ZNF730: variants seen among roughly 807,000 people sequenced by gnomAD.
The protein encoded by ZNF730 is zinc finger protein 730.
Under a neutral mutation model 12.6 loss-of-function variants are expected in ZNF730, and 12 were observed. That is an observed-to-expected ratio of 0.95 (90% CI 0.61 to 1.54). ZNF730 has a LOEUF of 1.54. Among genes scored for constraint, ZNF730 ranks in the 40% most tolerant of loss-of-function variants. ZNF730 has a pLI of 0.00. For synonymous variants in ZNF730, 194 were observed against 195.8 expected (o/e 0.99, Z 0.08); for missense variants, 643 against 583.5 (o/e 1.10, Z -1.05).
intron 1 of ZNF730, among the ~76,000 whole-genome samples, chr19:23,105,259 G>T (rs2145553154): frequency 6.6e-6 from 1 of 151,934 alleles, no homozygotes; most frequent in Admixed American, 6.6e-5. Context: ...TGGGATTACA[G>T]GTGCCCGCCA....
At chr19:23,083,061 T>C (rs185123613) in intron 1 of ZNF730, among the ~76,000 whole-genome samples, 19 of 152,336 alleles carry the variant, frequency 1.2e-4, no homozygotes, top group Non-Finnish European at 2.4e-4. Flanking sequence ...TTAGCTTTTA[T>C]AAATAGTGCT....
intron 1 of ZNF730, among the ~76,000 whole-genome samples, chr19:23,119,133 G>T (rs1036733638): frequency 6.6e-6 from 1 of 152,190 alleles, no homozygotes; most frequent in African/African-American, 2.4e-5. Context: ...TTTCAAGAAG[G>T]AATGTTTCCA....
At chr19:23,114,300 C>CT (rs11413226), upstream of ZNF730, among the ~76,000 whole-genome samples, 75,101 of 119,852 alleles carry the variant, frequency 0.63, 24,829 homozygotes, top group East Asian at 0.79. Context: ...TTTTCTTTTT[C>CT]TTTTCTTTTT....
upstream of ZNF730, among the ~76,000 whole-genome samples, chr19:23,113,220 T>C (rs1023659815): frequency 4.6e-5 from 7 of 152,312 alleles, no homozygotes; most frequent in African/African-American, 1.7e-4. Context: ...AGACTATAGC[T>C]AATTATTTGA....
At chr19:23,134,002 C>T in intron 1 of ZNF730, 78 bp from the exon 2 acceptor site, 2 of 1,570,674 alleles carry the variant, frequency 1.3e-6, no homozygotes, top group Non-Finnish European at 1.7e-6. Flanking sequence ...TATATTTACT[C>T]TTATTTCACC....
At chr19:23,120,677 T>A (rs1036771730) in intron 1 of ZNF730, among the ~76,000 whole-genome samples, 10 of 152,156 alleles carry the variant, frequency 6.6e-5, no homozygotes, top group African/African-American at 2.4e-4. Flanking sequence ...AGATTTCTTA[T>A]TTGTATGACT....
At position 23,145,918 on chromosome 19, in the gene ZNF730, G is replaced by C; in HGVS notation, c.874G>C (p.Ala292Pro). The C allele has an allele frequency of 1.2e-6, 2 of 1,610,830 alleles. No homozygotes were observed. The highest frequency in any genetic ancestry group is 1.7e-6 in the Non-Finnish European group (2 of 1,179,422). ...CTATAAATGTGAAGAATGTGGCAAA[G>C]CCTTTAACCAGTCCTCAAACCTTAC... ...KPYKCEECGK[A>P]FNQSSNLTEH... The change falls in exon 4 of 4, where the codon GCC (alanine) becomes CCC (proline). Residue 292 changes from alanine to proline, a missense_variant. Physicochemically the swap from Ala to Pro is conservative, Grantham distance 27 (BLOSUM62 -1). Coordinates refer to ENST00000597761, the MANE Select transcript of ZNF730 (RefSeq NM_001277403.2).
intron 1 of ZNF730, among the ~76,000 whole-genome samples, chr19:23,077,800 A>G (rs578097238): frequency 9.2e-5 from 14 of 152,042 alleles, no homozygotes; most frequent in Admixed American, 2.6e-4. Flanking sequence ...AAGTAGGCAT[A>G]AGAGACTCCA....
At chr19:23,077,409 A>G (rs1444715123) in intron 1 of ZNF730, among the ~76,000 whole-genome samples, 17 of 125,656 alleles carry the variant, frequency 1.4e-4, no homozygotes, top group Admixed American at 8.1e-5. Context: ...AGCTTTTCCC[A>G]TAATTCCCTA....
chr19:23,140,626 ATGT>A (rs1970903191), intron 3 of ZNF730, among the ~76,000 whole-genome samples: 1 of 142,128 alleles, frequency 7.0e-6, no homozygotes, highest in African/African-American at 2.5e-5. Flanking sequence ...AAAAAAAAAG[ATGT>A]AAAAACATAT....
At chr19:23,133,422 A>G (rs1003213229) in intron 1 of ZNF730, among the ~76,000 whole-genome samples, 42 of 152,064 alleles carry the variant, frequency 2.8e-4, no homozygotes, top group African/African-American at 9.9e-4. Context: ...GCTCACTGCA[A>G]CCTCTGTTTC....
chr19:23,100,409 C>T lies in ZNF730; in HGVS notation c.-94+25022C>T, dbSNP rs964646858. 3.3e-5 allele frequency: 5 copies of T among 152,310 alleles called. No homozygotes were observed. In the East Asian group the frequency reaches 9.7e-4, roughly 29 times the overall value. The allele number at this position is 152,310 out of a possible 1,614,324, so 9.4% of individuals were successfully genotyped here. Reference sequence around the variant, plus strand: ...CGTCTTTCTGTTCAAATCTCACTCTCTGACATATATAAAGCCCTAGTGTGT... The same window carrying T: ...CGTCTTTCTGTTCAAATCTCACTCTTTGACATATATAAAGCCCTAGTGTGT... On this transcript the variant is annotated intron_variant, in intron 1 of 2. Coordinates refer to the ZNF730 transcript ENST00000593635.
intron 1 of ZNF730, among the ~76,000 whole-genome samples, chr19:23,129,290 C>T (rs137888179): frequency 3.9e-5 from 6 of 152,308 alleles, no homozygotes; most frequent in Admixed American, 6.5e-5. Context: ...ACAGCTTGCA[C>T]CATGTGCCCG....
intron 1 of ZNF730, among the ~76,000 whole-genome samples, chr19:23,133,488 A>G (rs1466533519): frequency 6.6e-6 from 1 of 152,198 alleles, no homozygotes; most frequent in African/African-American, 2.4e-5. Context: ...AATTACAGGC[A>G]TGCGCCACCA....
intron 1 of ZNF730, among the ~76,000 whole-genome samples, chr19:23,093,739 G>A (rs1374358819): frequency 6.6e-6 from 1 of 152,208 alleles, no homozygotes; most frequent in African/African-American, 2.4e-5. Context: ...CTAAGGGGCA[G>A]TCCCTGCACT....
rs1970831252 is a variant in ZNF730, at chr19:23,136,242, T to C, written c.226+199T>C. On this transcript the variant is annotated intron_variant, in intron 3 of 3. Transcript: ENST00000597761. ...CTTTTGTTTTATCTTTTTTAAAATC[T>C]CTAAAAATTCTTTCCCTTTGGTAAT... The C allele has an allele frequency of 9.1e-6, 3 of 328,646 alleles. No homozygotes were observed. In the South Asian group the frequency reaches 1.7e-4, roughly 19 times the overall value. The allele number at this position is 328,646 out of a possible 1,614,324, so 20.4% of individuals were successfully genotyped here.
chr19:23,095,531 C>T (rs1970234443), intron 1 of ZNF730: 1 of 398,162 alleles, frequency 2.5e-6, no homozygotes, highest in Admixed American at 4.4e-5. Flanking sequence ...CATGACTCTC[C>T]CCCTCTTTCT....
chr19:23,129,850 C>A (rs1456076879), intron 1 of ZNF730, among the ~76,000 whole-genome samples: 1 of 151,692 alleles, frequency 6.6e-6, no homozygotes, highest in African/African-American at 2.4e-5. Flanking sequence ...AAAAATTAGC[C>A]GGATGTGGTG....
rs80013735 is a variant in ZNF730, at chr19:23,089,477, G to A, written c.-94+14090G>A. 9.5e-3 allele frequency among the ~76,000 whole-genome samples: 1,449 copies of A among 152,236 alleles called. 30 individuals are homozygous for A. Among genetic ancestry groups the A allele is most frequent in the African/African-American group, 0.033 (1,389 of 41,546 alleles). ...ATTCCCATGTGTTATGGGAGGGACC[G>A]GGGGGAGATTATTGAATCGTGGGGT... On this transcript the variant is annotated intron_variant, in intron 1 of 2. Coordinates refer to the ZNF730 transcript ENST00000593635.
Sources: allele counts gnomAD v4.1 joint callset (sites outside exome capture counted in the v4.1 genomes callset), GRCh38; gene constraint gnomAD v4.1.1; transcripts MANE v1.5; gene names NCBI Gene and HGNC (gene_info 2026-07-23, HGNC 2026-07-21).